Variants in MAD1L1 observed in about 807,000 individuals in gnomAD.
MAD1L1 encodes mitotic spindle assembly checkpoint protein MAD1.
In MAD1L1, 95 loss-of-function variants were observed where a neutral mutation model predicts 96.9. That is an observed-to-expected ratio of 0.98 (90% CI 0.83 to 1.16). The LOEUF (loss-of-function observed/expected upper bound fraction) is 1.16. MAD1L1 is among the 50% of genes most tolerant of loss of function. The probability of loss-of-function intolerance (pLI) is 0.00; values close to 1 mark genes in which losing one functional copy is unlikely to be tolerated. For missense variants in MAD1L1, 1,007 were observed against 954.4 expected (o/e 1.06, Z -0.73); for synonymous variants, 473 against 396.6 (o/e 1.19, Z -2.29).
At chr7:1,826,235 C>A (rs572958375) in intron 18 of MAD1L1, among the ~76,000 whole-genome samples, 1 of 152,012 alleles carries the variant, frequency 6.6e-6, no homozygotes, top group Non-Finnish European at 1.5e-5. Flanking sequence ...CGAAGGTGAT[C>A]CAGGAGCAGC....
intron 17 of MAD1L1, among the ~76,000 whole-genome samples, chr7:1,933,636 A>G (rs550439369): frequency 6.6e-6 from 1 of 152,288 alleles, no homozygotes; most frequent in South Asian, 2.1e-4. Flanking sequence ...CTGAGAATCC[A>G]CATTTCTAAG....
intron 11 of MAD1L1, among the ~76,000 whole-genome samples, chr7:2,077,976 G>T (rs1034636464): frequency 5.9e-5 from 9 of 152,220 alleles, no homozygotes; most frequent in African/African-American, 1.9e-4. Context: ...CTCCCGGAAG[G>T]CCAGGGTTCC....
At chr7:2,188,450 G>A (rs529032993) in intron 10 of MAD1L1, among the ~76,000 whole-genome samples, 1 of 152,282 alleles carries the variant, frequency 6.6e-6, no homozygotes, top group East Asian at 1.9e-4. Context: ...TTACTACAAA[G>A]CCACAGTAAT....
intron 11 of MAD1L1, among the ~76,000 whole-genome samples, chr7:2,078,366 C>A (rs755651974): frequency 6.6e-6 from 1 of 152,202 alleles, no homozygotes; most frequent in Non-Finnish European, 1.5e-5. Context: ...CCCCTCGCTG[C>A]GAATGGGCAG....
chr7:1,872,046 T>C (rs1283206901), intron 18 of MAD1L1, among the ~76,000 whole-genome samples: 1 of 152,166 alleles, frequency 6.6e-6, no homozygotes, highest in Non-Finnish European at 1.5e-5. Flanking sequence ...CGGCAGCTCC[T>C]GCTGACAGAT....
intron 13 of MAD1L1, among the ~76,000 whole-genome samples, chr7:2,004,624 G>C (rs919137283): frequency 1.3e-5 from 2 of 152,220 alleles, no homozygotes; most frequent in Non-Finnish European, 2.9e-5. Context: ...GCCAGCCCAG[G>C]GTCCTGCCGA....
intron 16 of MAD1L1, among the ~76,000 whole-genome samples, chr7:1,948,647 C>T (rs555166227): frequency 2.2e-3 from 331 of 152,334 alleles, no homozygotes; most frequent in Middle Eastern, 6.8e-3. Flanking sequence ...TCCCATGACA[C>T]CCCTGATAAC....
chr7:1,919,121 C>G (rs1039457954), intron 17 of MAD1L1, among the ~76,000 whole-genome samples: 2 of 152,268 alleles, frequency 1.3e-5, no homozygotes, highest in African/African-American at 4.8e-5. Context: ...GCCTGTCACG[C>G]TCACCCTTGG....
chr7:1,987,976 G>A (rs1039240456), intron 14 of MAD1L1, among the ~76,000 whole-genome samples: 1 of 152,226 alleles, frequency 6.6e-6, no homozygotes, highest in African/African-American at 2.4e-5. Flanking sequence ...TGAGCTGGCA[G>A]GAAGTCAGGC....
At chr7:1,980,078 G>A (rs569323142) in intron 15 of MAD1L1, among the ~76,000 whole-genome samples, 32 of 152,358 alleles carry the variant, frequency 2.1e-4, no homozygotes, top group African/African-American at 6.5e-4. Context: ...AGCCACCCAC[G>A]GGGGAGCACA....
At chr7:2,197,165 G>A (rs900511153) in intron 10 of MAD1L1, among the ~76,000 whole-genome samples, 4 of 152,328 alleles carry the variant, frequency 2.6e-5, no homozygotes, top group Admixed American at 1.3e-4. Context: ...AGAACCAGCT[G>A]GAGCCACACA....
At chr7:1,903,364 AC>A (rs1452446586) in intron 17 of MAD1L1, among the ~76,000 whole-genome samples, 1 of 150,502 alleles carries the variant, frequency 6.6e-6, no homozygotes, top group Non-Finnish European at 1.5e-5. Flanking sequence ...TTGATGAAGC[AC>A]TGTTCCAGGC....
chr7:2,102,345 G>A (rs1004509033), intron 11 of MAD1L1, among the ~76,000 whole-genome samples: 26 of 133,564 alleles, frequency 1.9e-4, no homozygotes, highest in Non-Finnish European at 3.4e-4. Context: ...CATCACCACC[G>A]CCACCATCAC....
chr7:1,825,046 C>G (rs1345822403), intron 18 of MAD1L1, among the ~76,000 whole-genome samples: 1 of 152,140 alleles, frequency 6.6e-6, no homozygotes, highest in African/African-American at 2.4e-5. Context: ...AGTGCTGGGA[C>G]GGAAAGTGAC....
intron 14 of MAD1L1, among the ~76,000 whole-genome samples, chr7:1,990,120 C>T (rs1484622362): frequency 1.3e-5 from 2 of 152,220 alleles, no homozygotes; most frequent in Non-Finnish European, 1.5e-5. Context: ...GTGCACCCGC[C>T]GCCTCATCGC....
At chr7:1,855,550 C>G (rs998164895) in intron 18 of MAD1L1, among the ~76,000 whole-genome samples, 31 of 152,210 alleles carry the variant, frequency 2.0e-4, no homozygotes, top group African/African-American at 6.5e-4. Flanking sequence ...CGGGCCCAGC[C>G]CAGCCCAGCC....
chr7:1,839,749 C>A (rs575112701), intron 18 of MAD1L1, among the ~76,000 whole-genome samples: 1 of 152,216 alleles, frequency 6.6e-6, no homozygotes, highest in South Asian at 2.1e-4. Context: ...CCCGCCTCCC[C>A]CCGGCTCCCA....
intron 12 of MAD1L1, among the ~76,000 whole-genome samples, chr7:2,058,204 C>T (rs1463424039): frequency 7.1e-5 from 2 of 28,212 alleles, no homozygotes; most frequent in East Asian, 9.4e-4. Context: ...AGGAGAGGCG[C>T]GGGGCTGGAG....
At chr7:2,128,024 A>T (rs1788317562) in intron 11 of MAD1L1, among the ~76,000 whole-genome samples, 1 of 152,178 alleles carries the variant, frequency 6.6e-6, no homozygotes, top group African/African-American at 2.4e-5. Context: ...CCTGACACTG[A>T]GAGACATTCG....
Sources: gnomAD v4.1 joint callset for allele counts (sites outside exome capture counted in the v4.1 genomes callset) on GRCh38, gnomAD v4.1.1 for gene constraint, MANE v1.5 for transcripts, NCBI Gene and HGNC (gene_info 2026-07-23, HGNC 2026-07-21) for gene names.